STK39: variants seen among roughly 807,000 people sequenced by gnomAD.
The protein encoded by STK39 is STE20/SPS1-related proline-alanine-rich protein kinase.
A neutral mutation model predicts 77.8 loss-of-function variants in STK39; 20 were observed. The ratio of observed to expected loss-of-function variants is 0.26; its 90% CI spans 0.18 to 0.37. The LOEUF (loss-of-function observed/expected upper bound fraction) is 0.37. Among genes scored for constraint, STK39 ranks in the 10% least tolerant of loss-of-function variants. The pLI is 1.00. For missense variants in STK39, 479 were observed against 656.5 expected, an observed-to-expected ratio of 0.73 and a Z score of 2.95; for synonymous variants, 246 against 234.1, an observed-to-expected ratio of 1.05 and a Z score of -0.47.
chr2:168,247,059 ATT>A (rs1690931816), intron 1 of STK39, among the ~76,000 whole-genome samples, 167 bp downstream of exon 1: 1 of 52,162 alleles, frequency 1.9e-5, no homozygotes, highest in East Asian at 7.1e-4. Flanking sequence ...TACATTAAAA[ATT>A]AAAAAAAAAA....
intron 10 of STK39, among the ~76,000 whole-genome samples, chr2:168,117,036 T>C (rs191546980): frequency 2.5e-4 from 38 of 152,308 alleles, no homozygotes; most frequent in African/African-American, 8.4e-4. Context: ...TGCTGAGTGG[T>C]AGGGACTACA....
chr2:168,133,307 C>T (rs909881032), intron 8 of STK39, among the ~76,000 whole-genome samples: 1 of 152,206 alleles, frequency 6.6e-6, no homozygotes, highest in South Asian at 2.1e-4. Flanking sequence ...GCACTCCACT[C>T]CACTCTCAGC....
intron 14 of STK39, among the ~76,000 whole-genome samples, chr2:168,029,803 C>A (rs1684788879): frequency 6.6e-6 from 1 of 152,186 alleles, no homozygotes; most frequent in African/African-American, 2.4e-5. Flanking sequence ...AAGTAACATT[C>A]TGCCATGAAC....
At chr2:168,225,859 C>G (rs1458824143) in intron 1 of STK39, among the ~76,000 whole-genome samples, 3 of 152,160 alleles carry the variant, frequency 2.0e-5, no homozygotes, top group Non-Finnish European at 2.9e-5. Context: ...ATGCTACACC[C>G]TTCTCCAAGG....
At chr2:168,118,919 A>T (rs1380044966) in intron 10 of STK39, among the ~76,000 whole-genome samples, 1 of 152,216 alleles carries the variant, frequency 6.6e-6, no homozygotes, top group Non-Finnish European at 1.5e-5. Context: ...CAAAGAATTT[A>T]AAATAAAAAA....
intron 15 of STK39, among the ~76,000 whole-genome samples, chr2:168,016,077 A>AC (rs1684396466): frequency 6.6e-6 from 1 of 152,018 alleles, no homozygotes; most frequent in South Asian, 2.1e-4. Flanking sequence ...ACAGCTGTGC[A>AC]CCACCACACC....
chr2:168,031,271 A>T (rs1468597497), intron 14 of STK39, among the ~76,000 whole-genome samples: 1 of 152,196 alleles, frequency 6.6e-6, no homozygotes, highest in Non-Finnish European at 1.5e-5. Flanking sequence ...CACTGTTTCC[A>T]GGTCAGTTTT....
chr2:168,152,213 C>A (rs890043118), intron 5 of STK39, among the ~76,000 whole-genome samples: 6 of 152,172 alleles, frequency 3.9e-5, no homozygotes, highest in African/African-American at 1.4e-4. Context: ...AGATAATTCC[C>A]ACACCACATA....
At chr2:168,051,402 A>G (rs1179132308) in intron 14 of STK39, among the ~76,000 whole-genome samples, 1 of 152,220 alleles carries the variant, frequency 6.6e-6, no homozygotes, top group Non-Finnish European at 1.5e-5. Context: ...CCACCAAAAA[A>G]AAGCTGTTTA....
Position 168,247,543 on chromosome 2 carries a change from G to GT in STK39, c.-109_-108insA. ...CTCTCGGCCGGCGCACGCCCTCCCC[G>GT]CCCGCCGCCGCCGCCGCCGTCCCCG... On this transcript the variant is annotated 5_prime_UTR_variant, in exon 1 of 18. Coordinates refer to ENST00000355999, the MANE Select transcript of STK39 (RefSeq NM_013233.3). 3.4e-6 allele frequency: 1 copy of GT among 293,474 alleles called. No homozygotes were observed. The highest frequency in any genetic ancestry group is 4.6e-6 in the Non-Finnish European group (1 of 217,218). The allele number at this position is 293,474 out of a possible 1,614,324, so 18.2% of individuals were successfully genotyped here.
At chr2:167,956,835 AT>A (rs549262182) in intron 17 of STK39, among the ~76,000 whole-genome samples, 45 of 151,710 alleles carry the variant, frequency 3.0e-4, no homozygotes, top group African/African-American at 1.1e-3. Context: ...AGAAAAAAGT[AT>A]GATGAATGAC....
intron 12 of STK39, among the ~76,000 whole-genome samples, 180 bp from the exon 13 acceptor site, chr2:168,065,561 C>A (rs1685770823): frequency 6.6e-6 from 1 of 152,106 alleles, no homozygotes; most frequent in Non-Finnish European, 1.5e-5. Flanking sequence ...TGTTAAAGAC[C>A]CCTAGGCCCC....
intron 10 of STK39, among the ~76,000 whole-genome samples, chr2:168,082,663 C>G (rs1408675726): frequency 6.6e-6 from 1 of 152,248 alleles, no homozygotes; most frequent in African/African-American, 2.4e-5. Flanking sequence ...GCCCAGTACA[C>G]ATTCTCAGCT....
chr2:168,124,907 A>G (rs536453559), intron 10 of STK39, among the ~76,000 whole-genome samples: 12 of 151,714 alleles, frequency 7.9e-5, no homozygotes, highest in Non-Finnish European at 1.0e-4. Flanking sequence ...TTCACTCATG[A>G]GTGGGAGTTG....
rs117963358 is a variant in STK39 at position 168,149,851 on chromosome 2, C to G, written c.629-9093G>C. On this transcript the variant is annotated intron_variant, in intron 5 of 17. Transcript: ENST00000355999. ...CATACTGCAAGAAGAATCTAATTCG[C>G]TTTTTTGCCAGTAGTTGCTGCTGGG... Among the ~76,000 whole-genome samples, 180 of 152,306 alleles carry G rather than the reference C, an allele frequency of 1.2e-3. 5 individuals carry two copies. In the East Asian group the frequency reaches 0.027, roughly 23 times the overall value.
intron 10 of STK39, among the ~76,000 whole-genome samples, chr2:168,117,632 T>C (rs1018786081): frequency 1.3e-5 from 2 of 152,158 alleles, no homozygotes; most frequent in African/African-American, 4.8e-5. Flanking sequence ...GAAAAGATGC[T>C]AGGCTGGGAG....
At chr2:168,161,661 T>C in intron 5 of STK39, 126 bp downstream of exon 5, 1 of 640,642 alleles carries the variant, frequency 1.6e-6, no homozygotes, top group South Asian at 3.0e-5. Flanking sequence ...GACCCAAACA[T>C]TCTGTAAATA....
intron 5 of STK39, among the ~76,000 whole-genome samples, chr2:168,151,993 C>A (rs1193274428): frequency 6.6e-6 from 1 of 152,162 alleles, no homozygotes; most frequent in Non-Finnish European, 1.5e-5. Flanking sequence ...TATGTCAGAG[C>A]TACAGAACCC....
intron 14 of STK39, among the ~76,000 whole-genome samples, chr2:168,062,415 G>C (rs564706206): frequency 2.4e-4 from 37 of 152,318 alleles, no homozygotes; most frequent in African/African-American, 8.7e-4. Flanking sequence ...AATAATCAAG[G>C]CTACTGTCAA....
Sources: gnomAD v4.1 joint callset for allele counts (sites outside exome capture counted in the v4.1 genomes callset) on GRCh38, gnomAD v4.1.1 for gene constraint, MANE v1.5 for transcripts, NCBI Gene and HGNC (gene_info 2026-07-23, HGNC 2026-07-21) for gene names.